The following CSMD2 variants were observed in gnomAD, a reference collection of about 807,000 sequenced individuals.
CSMD2 encodes the protein CUB and sushi domain-containing protein 2.
A neutral mutation model predicts 398.5 loss-of-function variants in CSMD2; 130 were observed. The ratio of observed to expected loss-of-function variants is 0.33; its 90% CI spans 0.28 to 0.38. The LOEUF is 0.38. Ranked by LOEUF, CSMD2 falls within the 10% of genes least tolerant of loss-of-function variation. CSMD2 has a pLI of 1.00. For synonymous variants in CSMD2, 1,828 were observed against 1,908.5 expected (o/e 0.96, Z 1.10); for missense variants, 3,829 against 4,764.9 (o/e 0.80, Z 5.78).
chr1:33,825,665 C>T (rs764489236), intron 7 of CSMD2, 32 bp downstream of exon 7: 70 of 1,604,884 alleles, frequency 4.4e-5, no homozygotes, highest in Non-Finnish European at 5.9e-5. Flanking sequence ...AAGCAAGAGG[C>T]CCGGCAGGCG....
At chr1:33,719,154 T>C (rs1646272227) in intron 19 of CSMD2, among the ~76,000 whole-genome samples, 1 of 152,184 alleles carries the variant, frequency 6.6e-6, no homozygotes, top group South Asian at 2.1e-4. Flanking sequence ...GGCTTGTGGG[T>C]GCATGTGCCC....
chr1:33,529,044 T>C (rs953895386), intron 64 of CSMD2, among the ~76,000 whole-genome samples: 8 of 152,332 alleles, frequency 5.3e-5, no homozygotes, highest in Non-Finnish European at 8.8e-5. Context: ...AAAATCTGTA[T>C]AGAAACAAAA....
chr1:33,678,317 A>G (rs1644788992), intron 25 of CSMD2, among the ~76,000 whole-genome samples: 1 of 151,024 alleles, frequency 6.6e-6, no homozygotes, highest in Admixed American at 6.6e-5. Flanking sequence ...ATAAATTAAA[A>G]AAAAAAAAAA....
chr1:33,646,543 C>T (rs1382639829), intron 29 of CSMD2, 105 bp downstream of exon 29: 1 of 1,249,784 alleles, frequency 8.0e-7, no homozygotes, highest in Non-Finnish European at 1.1e-6. Context: ...TTGGTGTGGG[C>T]TTGCTGTGGT....
intron 5 of CSMD2, among the ~76,000 whole-genome samples, chr1:33,917,660 G>T (rs1224379285): frequency 1.3e-5 from 2 of 152,194 alleles, no homozygotes; most frequent in Non-Finnish European, 2.9e-5. Flanking sequence ...GACCCTTGGA[G>T]TGGGAAGAAT....
At chr1:34,058,009 G>A (rs888060062) in intron 2 of CSMD2, among the ~76,000 whole-genome samples, 3 of 152,196 alleles carry the variant, frequency 2.0e-5, no homozygotes, top group African/African-American at 7.2e-5. Flanking sequence ...TGAAAGCAGA[G>A]AGAACTAGCC....
chr1:33,677,315 C>G (rs914996423), intron 25 of CSMD2, among the ~76,000 whole-genome samples: 1 of 152,206 alleles, frequency 6.6e-6, no homozygotes, highest in African/African-American at 2.4e-5. Flanking sequence ...TGAACAGATA[C>G]TTCTCAAAAG....
At chr1:33,596,501 T>C (rs1484757092) in intron 44 of CSMD2, among the ~76,000 whole-genome samples, 1 of 152,156 alleles carries the variant, frequency 6.6e-6, no homozygotes, top group African/African-American at 2.4e-5. Flanking sequence ...TGAGATTGGG[T>C]ATTTTATAAA....
intron 27 of CSMD2, among the ~76,000 whole-genome samples, chr1:33,652,740 C>T (rs893081585): frequency 2.0e-5 from 3 of 152,144 alleles, no homozygotes; most frequent in Non-Finnish European, 4.4e-5. Flanking sequence ...TGCATTTCAC[C>T]TCAATAAATT....
At chr1:33,866,259 G>A (rs1193634288) in intron 5 of CSMD2, among the ~76,000 whole-genome samples, 9 of 152,200 alleles carry the variant, frequency 5.9e-5, no homozygotes, top group African/African-American at 2.2e-4. Context: ...GTACAGGGAG[G>A]CACATTACGC....
At chr1:33,748,107 T>TA (rs1294024253) in intron 13 of CSMD2, among the ~76,000 whole-genome samples, 1 of 152,188 alleles carries the variant, frequency 6.6e-6, no homozygotes, top group African/African-American at 2.4e-5. Flanking sequence ...AATGTGGCCT[T>TA]ATAAAGCTCT....
chr1:33,557,665 C>T (rs1410284740), intron 55 of CSMD2, 69 bp downstream of exon 55: 10 of 1,317,064 alleles, frequency 7.6e-6, no homozygotes, highest in Non-Finnish European at 1.0e-5. Flanking sequence ...CACACATGCA[C>T]AGAGGGGAGG....
At chr1:34,121,786 C>T (rs970381342) in intron 1 of CSMD2, among the ~76,000 whole-genome samples, 1 of 152,126 alleles carries the variant, frequency 6.6e-6, no homozygotes, top group African/African-American at 2.4e-5. Flanking sequence ...CTTCCAAGGT[C>T]GCTAACTCTA....
intron 1 of CSMD2, among the ~76,000 whole-genome samples, chr1:34,157,232 T>C (rs544900809): frequency 6.6e-6 from 1 of 152,266 alleles, no homozygotes; most frequent in South Asian, 2.1e-4. Context: ...GCTGGAAATT[T>C]CACAATTCAG....
intron 3 of CSMD2, among the ~76,000 whole-genome samples, chr1:34,003,460 C>T (rs1646963116): frequency 6.6e-6 from 1 of 152,082 alleles, no homozygotes. Context: ...TCCATCATGC[C>T]CAGACTGCAG....
intron 3 of CSMD2, among the ~76,000 whole-genome samples, chr1:33,968,013 G>A (rs867737224): frequency 3.9e-5 from 6 of 152,132 alleles, no homozygotes; most frequent in African/African-American, 7.2e-5. Context: ...GCCCATCTCC[G>A]CGACTATTTT....
At chr1:33,757,425 A>G (rs947620900) in intron 13 of CSMD2, among the ~76,000 whole-genome samples, 2 of 152,146 alleles carry the variant, frequency 1.3e-5, no homozygotes, top group South Asian at 4.1e-4. Context: ...AGGTTCCCCA[A>G]ACTTGGTTCT....
In CSMD2 at chr1:33,725,401, G is replaced by C; in HGVS notation, c.2643C>G (p.Leu881=). ...LISTSNYLYL[L]FSTDKSHSDI... Reference sequence around the variant, plus strand: ...CCGAGTGACTCTTGTCGGTAGAGAAGAGGAGGTAGAGGTAGTTGCTGGTGC... The same window carrying C: ...CCGAGTGACTCTTGTCGGTAGAGAACAGGAGGTAGAGGTAGTTGCTGGTGC... The change falls in exon 17 of 71, where the codon CTC becomes CTG. Residue 881 remains leucine (L), a synonymous_variant. Transcript: ENST00000373381. The C allele has an allele frequency of 6.2e-7, 1 of 1,614,182 alleles. No homozygotes were observed. The highest frequency in any genetic ancestry group is 1.6e-4 in the Middle Eastern group (1 of 6,062).
intron 37 of CSMD2, among the ~76,000 whole-genome samples, chr1:33,621,019 T>C (rs1401596929): frequency 1.3e-5 from 2 of 152,184 alleles, no homozygotes; most frequent in Non-Finnish European, 2.9e-5. Flanking sequence ...CTGTCGCAGA[T>C]GGTCTAGCCA....
Sources: allele counts gnomAD v4.1 joint callset (sites outside exome capture counted in the v4.1 genomes callset), GRCh38; gene constraint gnomAD v4.1.1; transcripts MANE v1.5; gene names NCBI Gene and HGNC (gene_info 2026-07-23, HGNC 2026-07-21).